Variants in TRPM1 observed in about 807,000 individuals in gnomAD.
The protein encoded by TRPM1 is transient receptor potential cation channel subfamily M member 1.
In TRPM1, 113 loss-of-function variants were observed where a neutral mutation model predicts 149.4. That is an observed-to-expected ratio of 0.76 (90% CI 0.65 to 0.88). The LOEUF (loss-of-function observed/expected upper bound fraction) is 0.88. Among genes scored for constraint, TRPM1 ranks in the 40% least tolerant of loss-of-function variants. TRPM1 has a pLI of 0.00. For missense variants in TRPM1, 1,976 were observed against 2,038.7 expected (o/e 0.97, Z 0.59); for synonymous variants, 741 against 759.5 (o/e 0.98, Z 0.40).
At chr15:31,072,016 TATAGAGAGAGAG>T (rs1429159508) in intron 3 of TRPM1, among the ~76,000 whole-genome samples, 265 of 30,656 alleles carry the variant, frequency 8.6e-3, no homozygotes, top group Middle Eastern at 0.023. Context: ...TATATATATA[TATAGAGAGAGAG>T]AGAGAGAGAG....
chr15:31,067,173 C>A lies in TRPM1; in HGVS notation c.508G>T (p.Val170Leu). The A allele has an allele frequency of 6.2e-7, 1 of 1,614,178 alleles. No homozygotes were observed. The highest frequency in any genetic ancestry group is 8.5e-7 in the Non-Finnish European group (1 of 1,180,030). ...GGVSTGVISHVGDALKDHSSK... is the reference protein window; with the variant it reads ...GGVSTGVISHLGDALKDHSSK... ...GAGTGGTCTTTCAAGGCATCCCCTA[C>A]GTGGCTGATAACACCTGTGAGCAGC... Residue 170 changes from valine to leucine, a missense_variant, in exon 6 of 28, where the codon GTA becomes TTA. Coordinates refer to ENST00000256552, the MANE Select transcript of TRPM1 (RefSeq NM_001252024.2).
Position 31,066,195 on chromosome 15 carries a change from A to G in TRPM1, c.671T>C (p.Leu224Pro). The change falls in exon 7 of 28, where the codon CTC (leucine) becomes CCC (proline). Residue 224 changes from leucine to proline, a missense_variant. Transcript: ENST00000256552. ...GATGAAGTGGGTGTGGGAGTTGTTG[A>G]GCACAGAGAGCTTACTTAGAGGGTT... ...MSNPLSKLSVLNNSHTHFILA... is the reference protein window; with the variant it reads ...MSNPLSKLSVPNNSHTHFILA... 1 of 1,614,168 alleles carries G rather than the reference A, an allele frequency of 6.2e-7. No homozygotes were observed. The highest frequency in any genetic ancestry group is 8.5e-7 in the Non-Finnish European group (1 of 1,180,036).
At chr15:31,113,789 C>A (rs142801186) in intron 1 of TRPM1, among the ~76,000 whole-genome samples, 2 of 152,142 alleles carry the variant, frequency 1.3e-5, no homozygotes, top group Non-Finnish European at 2.9e-5. Context: ...TTAAAGGTGG[C>A]AAGGACCCAC....
intron 3 of TRPM1, among the ~76,000 whole-genome samples, chr15:31,072,006 T>TAGAG (rs1367033881): frequency 4.2e-4 from 16 of 38,300 alleles, no homozygotes; most frequent in African/African-American, 1.2e-3. Context: ...TATATATATA[T>TAGAG]ATATATATAT....
At chr15:31,089,193 T>A (rs2035140847) in intron 1 of TRPM1, among the ~76,000 whole-genome samples, 1 of 152,150 alleles carries the variant, frequency 6.6e-6, no homozygotes, top group Non-Finnish European at 1.5e-5. Flanking sequence ...ACAGGAGTGG[T>A]CATTTCTAGG....
At chr15:31,059,165 C>T (rs2034160762) in intron 11 of TRPM1, among the ~76,000 whole-genome samples, 1 of 152,162 alleles carries the variant, frequency 6.6e-6, no homozygotes, top group African/African-American at 2.4e-5. Flanking sequence ...AGCAATCCAC[C>T]TCCTTCTATT....
rs1402492299 is a variant in TRPM1 at position 31,001,300 on chromosome 15, C to G, written c.*522G>C. 6.6e-6 allele frequency: 1 copy of G among 150,870 alleles called. No individual in the cohort carries two copies. Among genetic ancestry groups the G allele is most frequent in the African/African-American group, 2.4e-5 (1 of 41,036 alleles). The allele number at this position is 150,870 out of a possible 1,614,324, so 9.3% of individuals were successfully genotyped here. ...CCCTCCCTTTTTTCATGTTTGCTTTCTCTTTAGTTTCTCTTTCTTACACAG... is the reference window on the plus strand; with the variant it reads ...CCCTCCCTTTTTTCATGTTTGCTTTGTCTTTAGTTTCTCTTTCTTACACAG... On this transcript the variant is annotated 3_prime_UTR_variant, in exon 28 of 28. Coordinates refer to ENST00000256552, the MANE Select transcript of TRPM1 (RefSeq NM_001252024.2).
At chr15:31,109,299 A>G (rs1231468611) in intron 1 of TRPM1, among the ~76,000 whole-genome samples, 2 of 124,894 alleles carry the variant, frequency 1.6e-5, no homozygotes, top group Non-Finnish European at 3.1e-5. Context: ...ACGCCACTGC[A>G]CTCCAGCCTG....
At chr15:31,137,980 T>A (rs1189749365) in intron 1 of TRPM1, among the ~76,000 whole-genome samples, 2 of 152,222 alleles carry the variant, frequency 1.3e-5, no homozygotes, top group South Asian at 2.1e-4. Flanking sequence ...CTCTACCAAC[T>A]AACCCGCATG....
intron 16 of TRPM1, among the ~76,000 whole-genome samples, chr15:31,042,858 A>T (rs1161958712): frequency 6.6e-6 from 1 of 152,248 alleles, no homozygotes; most frequent in Non-Finnish European, 1.5e-5. Context: ...ATGGATCAGG[A>T]TTCATAAGAA....
chr15:31,122,347 A>G (rs60936148), intron 1 of TRPM1, among the ~76,000 whole-genome samples: 5,033 of 152,294 alleles, frequency 0.033, 268 homozygotes, highest in African/African-American at 0.11. Flanking sequence ...ATAAGATAAG[A>G]AAAAGAAATA....
At chr15:31,054,446 C>T (rs2034031441) in intron 11 of TRPM1, among the ~76,000 whole-genome samples, 1 of 152,054 alleles carries the variant, frequency 6.6e-6, no homozygotes, top group East Asian at 1.9e-4. Context: ...AGGCATGCAA[C>T]ATCACACCCG....
intron 27 of TRPM1, among the ~76,000 whole-genome samples, chr15:31,009,763 T>A (rs1358562460): frequency 2.0e-5 from 3 of 152,250 alleles, no homozygotes; most frequent in Non-Finnish European, 4.4e-5. Context: ...ATTGAGTAAT[T>A]TTCTGTTGTA....
rs753728071 is a variant in TRPM1, at chr15:31,088,677, A to G, written c.-83-7239T>C. On this transcript the variant is annotated intron_variant, in intron 1 of 27. Coordinates refer to ENST00000256552, the MANE Select transcript of TRPM1 (RefSeq NM_001252024.2). ...ACTCACGGACTAGGATGGGCATTTC[A>G]TACTAAGCCTTTTTGGGATTTGGGG... Among the ~76,000 whole-genome samples the G allele has an allele frequency of 2.4e-3, 360 of 152,328 alleles. 3 individuals are homozygous for G. Among genetic ancestry groups the G allele is most frequent in the Non-Finnish European group, 3.8e-3 (256 of 68,028 alleles).
At chr15:31,088,455 A>G (rs1040707087) in intron 1 of TRPM1, among the ~76,000 whole-genome samples, 6 of 152,168 alleles carry the variant, frequency 3.9e-5, no homozygotes, top group Non-Finnish European at 8.8e-5. Flanking sequence ...ACTGTACGGT[A>G]TGTGGCTTCA....
intron 1 of TRPM1, among the ~76,000 whole-genome samples, chr15:31,142,351 T>G (rs2036172628): frequency 6.6e-6 from 1 of 152,184 alleles, no homozygotes; most frequent in Admixed American, 6.5e-5. Context: ...TGAAATTTGA[T>G]TTATTGTGTT....
chr15:31,027,682 A>G (rs896476403), intron 25 of TRPM1, among the ~76,000 whole-genome samples: 25 of 152,204 alleles, frequency 1.6e-4, no homozygotes, highest in Middle Eastern at 3.2e-3. Flanking sequence ...CTCATCTCTC[A>G]AGCCAGAAGT....
At chr15:31,128,058 T>C (rs2035973366) in intron 1 of TRPM1, among the ~76,000 whole-genome samples, 1 of 152,060 alleles carries the variant, frequency 6.6e-6, no homozygotes, top group Non-Finnish European at 1.5e-5. Context: ...CTGGACTGGA[T>C]CTTTATTATC....
chr15:31,078,560 G>A (rs148901307), intron 2 of TRPM1, among the ~76,000 whole-genome samples: 10 of 152,320 alleles, frequency 6.6e-5, no homozygotes, highest in African/African-American at 2.4e-4. Context: ...AAACAACATC[G>A]CTGGCCTCAG....
Sources: gnomAD v4.1 joint callset for allele counts (sites outside exome capture counted in the v4.1 genomes callset) on GRCh38, gnomAD v4.1.1 for gene constraint, MANE v1.5 for transcripts, NCBI Gene and HGNC (gene_info 2026-07-23, HGNC 2026-07-21) for gene names.